Variants in NTRK2 observed in about 807,000 individuals in gnomAD.
NTRK2 encodes BDNF/NT-3 growth factors receptor.
A neutral mutation model predicts 94.5 loss-of-function variants in NTRK2; 13 were observed. The ratio of observed to expected loss-of-function variants is 0.14; its 90% CI spans 0.09 to 0.22. The LOEUF (loss-of-function observed/expected upper bound fraction) is 0.22, where lower values mean the gene tolerates loss of function less well. Among genes scored for constraint, NTRK2 ranks in the 10% least tolerant of loss-of-function variants. The probability of loss-of-function intolerance (pLI) is 1.00; values close to 1 mark genes in which losing one functional copy is unlikely to be tolerated. For missense variants in NTRK2, 639 were observed against 1,071.2 expected (o/e 0.60, Z 5.63); for synonymous variants, 372 against 407.4 (o/e 0.91, Z 1.05).
chr9:84,720,312 G>C (rs575218887), intron 6 of NTRK2, among the ~76,000 whole-genome samples: 2 of 152,122 alleles, frequency 1.3e-5, no homozygotes, highest in Non-Finnish European at 2.9e-5. Flanking sequence ...TCTCTAAAGT[G>C]GATAAAACAA....
chr9:84,719,955 G>A (rs1038135843), intron 6 of NTRK2, among the ~76,000 whole-genome samples: 1 of 149,300 alleles, frequency 6.7e-6, no homozygotes, highest in Admixed American at 6.7e-5. Context: ...AGGAGGCAGA[G>A]GTTGCAGTGA....
intron 12 of NTRK2, among the ~76,000 whole-genome samples, chr9:84,755,525 C>CTTTTTTTTTTTTTTTTTTTTTT (rs745611460): frequency 3.3e-5 from 2 of 60,644 alleles, no homozygotes; most frequent in African/African-American, 1.4e-4. Flanking sequence ...AGTCCCACCT[C>CTTTTTTTTTTTTTTTTTTTTTT]TTTTTTTTTT....
Position 84,730,609 on chromosome 9 carries a change from G to A in NTRK2, c.1159+2650G>A, listed in dbSNP as rs1171511684. On this transcript the variant is annotated intron_variant, in intron 9 of 18. Coordinates refer to ENST00000277120, the MANE Select transcript of NTRK2 (RefSeq NM_006180.6). Reference sequence around the variant, plus strand: ...CAAAAAATTAGCCGGGCGTGGTAGCGGGCGCCTGTAGTCCCAGCTACTCGG... The same window carrying A: ...CAAAAAATTAGCCGGGCGTGGTAGCAGGCGCCTGTAGTCCCAGCTACTCGG... Among the ~76,000 whole-genome samples, 2 of 140,416 alleles carry A rather than the reference G, an allele frequency of 1.4e-5. 1 individual carries two copies. The highest frequency in any genetic ancestry group is 3.0e-5 in the Non-Finnish European group (2 of 66,292). The allele number at this position is 140,416 out of a possible 152,430, so 92.1% of individuals were successfully genotyped here.
chr9:84,865,916 T>C (rs551103305), intron 13 of NTRK2, among the ~76,000 whole-genome samples: 1 of 152,214 alleles, frequency 6.6e-6, no homozygotes, highest in African/African-American at 2.4e-5. Flanking sequence ...ACCTTTATCT[T>C]TGTGCATCTA....
intron 2 of NTRK2, among the ~76,000 whole-genome samples, chr9:84,695,987 A>T (rs2060351826): frequency 6.6e-6 from 1 of 152,154 alleles, no homozygotes. Context: ...TCTGTGGCAA[A>T]TGAATGCTTA....
At chr9:84,737,873 C>T (rs3780632) in intron 9 of NTRK2, among the ~76,000 whole-genome samples, 88,646 of 151,100 alleles carry the variant, frequency 0.59, 27,800 homozygotes, top group South Asian at 0.68. Flanking sequence ...TTCGGTAATT[C>T]TTGACAACAT....
chr9:84,967,725 G>A (rs1220284642), intron 17 of NTRK2, among the ~76,000 whole-genome samples: 5 of 152,212 alleles, frequency 3.3e-5, no homozygotes, highest in South Asian at 2.1e-4. Flanking sequence ...ATACTGCAGC[G>A]GAAGCTGGGG....
chr9:84,857,628 A>C (rs1587702785), intron 12 of NTRK2, among the ~76,000 whole-genome samples: 1 of 152,208 alleles, frequency 6.6e-6, no homozygotes, highest in Non-Finnish European at 1.5e-5. Context: ...CGGTATGATC[A>C]AGAAGATTGT....
chr9:84,924,805 C>T (rs2077700519), intron 14 of NTRK2, among the ~76,000 whole-genome samples: 1 of 152,162 alleles, frequency 6.6e-6, no homozygotes, highest in African/African-American at 2.4e-5. Context: ...CACTTGCTCT[C>T]ATTTGGGGTA....
At chr9:84,974,893 G>T (rs1459817057) in intron 17 of NTRK2, among the ~76,000 whole-genome samples, 1 of 152,212 alleles carries the variant, frequency 6.6e-6, no homozygotes, top group Non-Finnish European at 1.5e-5. Flanking sequence ...TCCCCTGGGT[G>T]TGGCATATTT....
chr9:84,690,974 T>C (rs1169315862), intron 2 of NTRK2, among the ~76,000 whole-genome samples: 2 of 152,160 alleles, frequency 1.3e-5, no homozygotes, highest in Admixed American at 1.3e-4. Context: ...ACTATTTGAA[T>C]TATAATTATT....
intron 14 of NTRK2, among the ~76,000 whole-genome samples, chr9:84,891,072 G>A (rs749468603): frequency 8.5e-5 from 13 of 152,144 alleles, no homozygotes; most frequent in South Asian, 6.2e-4. Flanking sequence ...TTACTTCACC[G>A]TGTGCTGTCA....
Position 85,020,135 on chromosome 9 carries a change from C to T in NTRK2, c.2173-71C>T, listed in dbSNP as rs2117916188. On this transcript the variant is annotated intron_variant, in intron 17 of 18. Coordinates refer to ENST00000277120, the MANE Select transcript of NTRK2 (RefSeq NM_006180.6). ...TGCAAATAAGGAAAGCAAACAGTGTCCCCCAGCAGCTCCCTTCCACACCTG... is the reference window on the plus strand; with the variant it reads ...TGCAAATAAGGAAAGCAAACAGTGTTCCCCAGCAGCTCCCTTCCACACCTG... 5 of 1,520,882 alleles carry T rather than the reference C, an allele frequency of 3.3e-6. 1 individual carries two copies. In the South Asian group the frequency reaches 5.6e-5, roughly 17 times the overall value. 94.2% of individuals were successfully genotyped at this position (1,520,882 alleles called of 1,614,324 possible).
chr9:84,902,901 C>G (rs373022840), intron 14 of NTRK2, among the ~76,000 whole-genome samples: 45 of 152,296 alleles, frequency 3.0e-4, no homozygotes, highest in African/African-American at 1.0e-3. Flanking sequence ...TCTGTAGCTT[C>G]CATGAGGTCT....
At chr9:84,751,943 A>C in intron 11 of NTRK2, 43 bp from the exon 12 acceptor site, 6 of 1,391,780 alleles carry the variant, frequency 4.3e-6, no homozygotes, top group African/African-American at 1.4e-5. Context: ...ATTATAGGGA[A>C]CTAATTAGCA....
chr9:84,685,212 T>C (rs2059633307), intron 2 of NTRK2, among the ~76,000 whole-genome samples: 1 of 152,142 alleles, frequency 6.6e-6, no homozygotes, highest in South Asian at 2.1e-4. Flanking sequence ...ATTAGTTATG[T>C]AATGCTATCT....
At chr9:84,856,169 T>C (rs1006400247) in intron 12 of NTRK2, among the ~76,000 whole-genome samples, 12 of 152,166 alleles carry the variant, frequency 7.9e-5, no homozygotes, top group African/African-American at 2.7e-4. Context: ...CATTGTAAGT[T>C]TGATGAAGGA....
intron 14 of NTRK2, chr9:84,875,985 C>G: frequency 9.7e-7 from 1 of 1,036,208 alleles, no homozygotes; most frequent in Non-Finnish European, 1.2e-6. Context: ...AGGGGGGAAT[C>G]CCAGAAAGAA....
intron 17 of NTRK2, among the ~76,000 whole-genome samples, chr9:84,975,115 A>G (rs1483660304): frequency 6.6e-6 from 1 of 152,116 alleles, no homozygotes; most frequent in East Asian, 1.9e-4. Context: ...CAGGCAAAGA[A>G]TGGCCACCCA....
Sources: allele counts gnomAD v4.1 joint callset (sites outside exome capture counted in the v4.1 genomes callset), GRCh38; gene constraint gnomAD v4.1.1; transcripts MANE v1.5; gene names NCBI Gene and HGNC (gene_info 2026-07-23, HGNC 2026-07-21).